EDNRA: variants seen among roughly 807,000 people sequenced by gnomAD.
EDNRA encodes the protein endothelin-1 receptor.
A neutral mutation model predicts 41.4 loss-of-function variants in EDNRA; 11 were observed. That is an observed-to-expected ratio of 0.27 (90% confidence interval 0.17 to 0.44). The LOEUF (loss-of-function observed/expected upper bound fraction) is 0.44. Ranked by LOEUF, EDNRA falls within the 20% of genes least tolerant of loss-of-function variation. The probability of loss-of-function intolerance (pLI) is 1.00; values close to 1 mark genes in which losing one functional copy is unlikely to be tolerated. For missense variants in EDNRA, 294 were observed against 531.0 expected, an observed-to-expected ratio of 0.55 and a Z score of 4.39; for synonymous variants, 172 against 183.0, an observed-to-expected ratio of 0.94 and a Z score of 0.49.
chr4:147,535,091 C>A (rs1004706477), intron 4 of EDNRA, among the ~76,000 whole-genome samples: 5 of 152,118 alleles, frequency 3.3e-5, no homozygotes, highest in Non-Finnish European at 7.3e-5. Flanking sequence ...AGCATTTCGT[C>A]CCAAGTTGGT....
At position 147,540,386 on chromosome 4, in the gene EDNRA, GCTCATGGATTA is replaced by G; in HGVS notation, c.1046_1056del (p.Leu349HisfsTer4). ...TTTTCTTTTGCTCTAGTTTCTTACTGCTCATGGATTACATCGGTATTAACTTGGCAACCATG... is the reference window on the plus strand; with the variant it reads ...TTTTCTTTTGCTCTAGTTTCTTACTGCATCGGTATTAACTTGGCAACCATG... On this transcript the variant is annotated frameshift_variant, in exon 7 of 8. Coordinates refer to ENST00000651419, the MANE Select transcript of EDNRA (RefSeq NM_001957.4). LOFTEE classifies it high-confidence loss of function. 6.2e-7 allele frequency: 1 copy of G among 1,610,318 alleles called. No individual in the cohort carries two copies. The highest frequency in any genetic ancestry group is 8.5e-7 in the Non-Finnish European group (1 of 1,177,650).
rs753632116 is a variant in EDNRA, at chr4:147,535,998, T to G, written c.869T>G (p.Leu290Trp). Residue 290 changes from leucine to tryptophan, a missense_variant, in exon 5 of 8, where the codon TTG becomes TGG. Leu to Trp is a moderately conservative substitution (Grantham distance 61). Around this residue, in one of 3 missense-constraint regions of EDNRA, gnomAD observed 185 missense variants for 390.8 expected, o/e 0.47. Coordinates refer to ENST00000651419, the MANE Select transcript of EDNRA (RefSeq NM_001957.4). ...ATGTTGAACAGAAGGAATGGCAGCT[T>G]GAGAATTGCCCTCAGTGAACATCTT... ...CEMLNRRNGS[L>W]RIALSEHLKQ... 28 of 1,613,898 alleles carry G rather than the reference T, an allele frequency of 1.7e-5. No individual in the cohort carries two copies. The highest frequency in any genetic ancestry group is 2.4e-5 in the Non-Finnish European group (28 of 1,179,928).
At chr4:147,520,149 G>A (rs1238309872) in intron 3 of EDNRA, among the ~76,000 whole-genome samples, 171 bp downstream of exon 3, 3 of 152,154 alleles carry the variant, frequency 2.0e-5, no homozygotes, top group South Asian at 2.1e-4. Flanking sequence ...CACATTTGCT[G>A]ATTATTAGCC....
rs1188975080 is a variant in EDNRA, at chr4:147,543,941, C to G, written c.*1323C>G. The G allele has an allele frequency of 6.6e-6, 1 of 152,560 alleles. No individual in the cohort carries two copies. The highest frequency in any genetic ancestry group is 1.5e-5 in the Non-Finnish European group (1 of 68,040). 9.5% of individuals were successfully genotyped at this position (152,560 alleles called of 1,614,324 possible). On this transcript the variant is annotated 3_prime_UTR_variant, in exon 8 of 8. Transcript: ENST00000651419. ...CAGTGACTTTTGCTGGGCATTTTCC[C>G]AGATGTTTACAGACTGTGAGTACAG...
intron 2 of EDNRA, among the ~76,000 whole-genome samples, chr4:147,497,827 C>T (rs925280008): frequency 6.6e-6 from 1 of 152,058 alleles, no homozygotes; most frequent in Non-Finnish European, 1.5e-5. Context: ...CCACCTCGGC[C>T]TCCAAAGTGC....
intron 2 of EDNRA, among the ~76,000 whole-genome samples, chr4:147,500,659 C>T (rs892995732): frequency 6.6e-6 from 1 of 151,618 alleles, no homozygotes; most frequent in Non-Finnish European, 1.5e-5. Context: ...GGCTTCTGAG[C>T]CATGATTGCT....
chr4:147,522,916 A>G (rs1049862124), intron 3 of EDNRA, among the ~76,000 whole-genome samples: 1 of 152,188 alleles, frequency 6.6e-6, no homozygotes, highest in African/African-American at 2.4e-5. Flanking sequence ...ACATAAATCC[A>G]TACACGTAAG....
intron 2 of EDNRA, among the ~76,000 whole-genome samples, chr4:147,512,768 G>T (rs2126435583): frequency 6.6e-6 from 1 of 152,276 alleles, no homozygotes; most frequent in Non-Finnish European, 1.5e-5. Context: ...TTCTTCTGTG[G>T]AGCTCCCAGG....
intron 2 of EDNRA, among the ~76,000 whole-genome samples, chr4:147,518,154 G>GAATTCTA (rs2126445516): frequency 6.6e-6 from 1 of 152,302 alleles, no homozygotes; most frequent in Non-Finnish European, 1.5e-5. Context: ...TTCTGAGCCA[G>GAATTCTA]AATTCTAAAT....
chr4:147,485,520 CT>C (rs1355960418), intron 1 of EDNRA, 91 bp from the exon 2 acceptor site: 1 of 807,872 alleles, frequency 1.2e-6, no homozygotes, highest in African/African-American at 1.7e-5. Context: ...CAAATATATC[CT>C]GCATTTTAAT....
In EDNRA at chr4:147,505,798, G is replaced by A. The variant is rs180792260; in HGVS notation, c.421-14053G>A. On this transcript the variant is annotated intron_variant, in intron 2 of 7. Coordinates refer to ENST00000651419, the MANE Select transcript of EDNRA (RefSeq NM_001957.4). The stretch of plus-strand genomic sequence containing the variant: ...CGAGTAGCTGGGACCACAGGTGCCC[G>A]CCACCATGCCCAGCTAATTTTTTGC... 2.9e-3 allele frequency among the ~76,000 whole-genome samples: 431 copies of A among 150,266 alleles called. 1 individual carries two copies. The highest frequency in any genetic ancestry group is 9.8e-3 in the African/African-American group (400 of 40,806).
intron 3 of EDNRA, among the ~76,000 whole-genome samples, chr4:147,526,138 G>C (rs1730534718): frequency 6.6e-6 from 1 of 152,190 alleles, no homozygotes; most frequent in African/African-American, 2.4e-5. Context: ...GATCTTATTT[G>C]GGAGTCTGTT....
In EDNRA at chr4:147,517,148, A is replaced by C. The variant is rs565817035; in HGVS notation, c.421-2703A>C. ...ATTATATAAGCTTTTATACAGCTTA[A>C]TTTTTACCATCTTATGTATTATATT... On this transcript the variant is annotated intron_variant, in intron 2 of 7. Transcript: ENST00000651419. Among the ~76,000 whole-genome samples the C allele has an allele frequency of 1.1e-4, 17 of 152,286 alleles. No individual in the cohort carries two copies. The South Asian group carries it at 3.5e-3, about 32-fold the overall frequency.
Position 147,485,522 on chromosome 4 carries a change from G to C in EDNRA, c.-70-90G>C, listed in dbSNP as rs1259416699. 4 of 810,812 alleles carry C rather than the reference G, an allele frequency of 4.9e-6. No individual in the cohort carries two copies. The South Asian group carries it at 7.5e-5, about 15-fold the overall frequency. The allele number at this position is 810,812 out of a possible 1,614,324, so 50.2% of individuals were successfully genotyped here. ...CTTATCTAATCACCAAATATATCCT[G>C]CATTTTAATTGAATCAATAAATAAT... On this transcript the variant is annotated intron_variant, in intron 1 of 7. Transcript: ENST00000651419.
At chr4:147,540,175 G>C (rs1016973597) in intron 6 of EDNRA, among the ~76,000 whole-genome samples, 2 of 152,160 alleles carry the variant, frequency 1.3e-5, no homozygotes, top group African/African-American at 4.8e-5. Flanking sequence ...AAGGGTTTGA[G>C]CTAACCAACT....
chr4:147,523,492 T>TTG (rs1378883801), intron 3 of EDNRA, among the ~76,000 whole-genome samples: 22 of 136,098 alleles, frequency 1.6e-4, no homozygotes, highest in African/African-American at 3.4e-4. Flanking sequence ...TTTTTTGTTT[T>TTG]TTTTGTTTTT....
At chr4:147,513,159 C>T (rs1729983940) in intron 2 of EDNRA, among the ~76,000 whole-genome samples, 1 of 152,184 alleles carries the variant, frequency 6.6e-6, no homozygotes, top group Admixed American at 6.5e-5. Flanking sequence ...AGCTACTATG[C>T]CAAGCCAGCT....
intron 3 of EDNRA, among the ~76,000 whole-genome samples, chr4:147,529,909 T>C (rs1281882987): frequency 1.3e-5 from 2 of 152,222 alleles, no homozygotes; most frequent in African/African-American, 4.8e-5. Context: ...CATGGAGATG[T>C]TATCGAGATC....
intron 2 of EDNRA, among the ~76,000 whole-genome samples, chr4:147,511,621 C>T (rs1238694982): frequency 6.6e-6 from 1 of 152,060 alleles, no homozygotes; most frequent in Non-Finnish European, 1.5e-5. Context: ...TTCCCTTTTT[C>T]CTATTCATCA....
Sources: gnomAD v4.1 joint callset for allele counts (sites outside exome capture counted in the v4.1 genomes callset) on GRCh38, gnomAD v4.1.1 for gene constraint, gnomAD v4.1.1 regional missense constraint, MANE v1.5 for transcripts, NCBI Gene and HGNC (gene_info 2026-07-23, HGNC 2026-07-21) for gene names.